SRPK2: variants seen among roughly 807,000 people sequenced by gnomAD.
The protein encoded by SRPK2 is SRSF protein kinase 2, also known as SFRS protein kinase 2.
In SRPK2, 21 loss-of-function variants were observed where a neutral mutation model predicts 90.8. The ratio of observed to expected loss-of-function variants is 0.23; its 90% CI spans 0.16 to 0.33. The LOEUF is 0.33. SRPK2 is among the 10% of genes least tolerant of loss of function. The pLI is 1.00. For synonymous variants in SRPK2, 288 were observed against 311.1 expected (o/e 0.93, Z 0.78); for missense variants, 620 against 869.0 (o/e 0.71, Z 3.60).
intron 2 of SRPK2, among the ~76,000 whole-genome samples, chr7:105,355,774 A>G (rs1215576599): frequency 2.0e-5 from 3 of 152,120 alleles, no homozygotes; most frequent in Non-Finnish European, 4.4e-5. Flanking sequence ...AGGGCCAAGC[A>G]CGGTGCCTCA....
At chr7:105,260,868 C>T (rs1804139764) in intron 2 of SRPK2, among the ~76,000 whole-genome samples, 1 of 148,572 alleles carries the variant, frequency 6.7e-6, no homozygotes, top group South Asian at 2.2e-4. Context: ...GAACATCACA[C>T]ACTGGAGCCT....
chr7:105,244,817 C>A, intron 2 of SRPK2: 2 of 969,990 alleles, frequency 2.1e-6, no homozygotes, highest in Non-Finnish European at 3.4e-6. Flanking sequence ...GTACAAGCAG[C>A]ACGCCAAGGA....
intron 2 of SRPK2, among the ~76,000 whole-genome samples, chr7:105,233,116 G>T (rs1799697058): frequency 6.9e-6 from 1 of 145,578 alleles, no homozygotes; most frequent in Non-Finnish European, 1.5e-5. Context: ...AGGAAGGAAG[G>T]AAGGAAGGAA....
chr7:105,270,233 G>A (rs1443150798), intron 2 of SRPK2, among the ~76,000 whole-genome samples: 4 of 152,200 alleles, frequency 2.6e-5, no homozygotes, highest in South Asian at 4.2e-4. Flanking sequence ...CCAAGCTGCC[G>A]AGCCACTGGG....
intron 2 of SRPK2, among the ~76,000 whole-genome samples, chr7:105,231,085 C>T (rs1452983696): frequency 6.6e-6 from 1 of 152,038 alleles, no homozygotes; most frequent in African/African-American, 2.4e-5. Flanking sequence ...CTATTTTCAC[C>T]CTCCCTCGCC....
At chr7:105,383,818 C>A (rs954004950) in intron 2 of SRPK2, among the ~76,000 whole-genome samples, 1 of 152,168 alleles carries the variant, frequency 6.6e-6, no homozygotes, top group Non-Finnish European at 1.5e-5. Context: ...TAATACGTGC[C>A]ATAACATGGA....
In SRPK2 at chr7:105,298,778, A is replaced by C. The variant is rs191227175; in HGVS notation, c.71+89870T>G. On this transcript the variant is annotated intron_variant, in intron 2 of 15. Transcript: ENST00000393651. ...CAGCAGAGGCACAGGGCCCACTCCAACAGAGCCCACCTCCCGCTGTAAGGA... is the reference window on the plus strand; with the variant it reads ...CAGCAGAGGCACAGGGCCCACTCCACCAGAGCCCACCTCCCGCTGTAAGGA... 1.4e-4 allele frequency: 136 copies of C among 985,500 alleles called. No homozygotes were observed. The East Asian group carries it at 0.011, about 82-fold the overall frequency. 61.0% of individuals were successfully genotyped at this position (985,500 alleles called of 1,614,324 possible).
At chr7:105,120,867 AGTGG>A (rs1168173260) in intron 15 of SRPK2, among the ~76,000 whole-genome samples, 1 of 152,178 alleles carries the variant, frequency 6.6e-6, no homozygotes, top group African/African-American at 2.4e-5. Flanking sequence ...ACACAACAAG[AGTGG>A]GCTCACTGAA....
chr7:105,344,289 T>C (rs1023083884), intron 2 of SRPK2, among the ~76,000 whole-genome samples: 2 of 119,282 alleles, frequency 1.7e-5, no homozygotes, highest in African/African-American at 2.7e-5. Flanking sequence ...TTTATGGACA[T>C]AGAATTTTTT....
intron 15 of SRPK2, among the ~76,000 whole-genome samples, chr7:105,124,088 C>T (rs1309352824): frequency 1.3e-5 from 2 of 152,208 alleles, no homozygotes; most frequent in Non-Finnish European, 2.9e-5. Context: ...GACAGGCCCA[C>T]GTGGAAGCTG....
chr7:105,376,949 A>G (rs2132566930), intron 2 of SRPK2, among the ~76,000 whole-genome samples: 1 of 151,796 alleles, frequency 6.6e-6, no homozygotes, highest in Admixed American at 6.6e-5. Flanking sequence ...AGAAAAACAA[A>G]CAAAACAAAA....
At chr7:105,115,525 T>C (rs1450767186), downstream of SRPK2, 1 of 152,200 alleles carries the variant, frequency 6.6e-6, no homozygotes, top group African/African-American at 2.4e-5. Context: ...AAAAGATAGA[T>C]AGGACATTCA....
intron 3 of SRPK2, among the ~76,000 whole-genome samples, chr7:105,198,328 G>C (rs929312724): frequency 2.8e-5 from 4 of 145,362 alleles, no homozygotes; most frequent in Non-Finnish European, 4.6e-5. Flanking sequence ...AAGGAGGTTT[G>C]GCTGTGACAC....
intron 6 of SRPK2, among the ~76,000 whole-genome samples, chr7:105,161,755 A>T (rs1341434538): frequency 6.6e-6 from 1 of 152,254 alleles, no homozygotes; most frequent in Non-Finnish European, 1.5e-5. Flanking sequence ...AAAATTTAGT[A>T]AACACAGTTA....
intron 2 of SRPK2, chr7:105,297,550 A>G: frequency 1.0e-6 from 1 of 955,526 alleles, no homozygotes; most frequent in Non-Finnish European, 1.2e-6. Flanking sequence ...AAGATAAGGC[A>G]CACCGTTTAC....
intron 3 of SRPK2, among the ~76,000 whole-genome samples, chr7:105,171,075 AAGGGGAGGGG>A (rs139856251): frequency 7.1e-6 from 1 of 141,360 alleles, no homozygotes; most frequent in African/African-American, 2.5e-5. Flanking sequence ...AAAAGAAAGA[AAGGGGAGGGG>A]AGGGGAGGGG....
rs1246978708 is a variant in SRPK2 at position 105,380,371 on chromosome 7, A to G, written c.71+8277T>C. Among the ~76,000 whole-genome samples the G allele has an allele frequency of 2.0e-5, 3 of 151,890 alleles. 1 individual carries two copies. The highest frequency in any genetic ancestry group is 2.0e-4 in the Admixed American group (3 of 15,222). ...GGTCTCAAACTCCTGACCTCTAGTG[A>G]TCCTCACTGATCTTTAAAAGATCAA... On this transcript the variant is annotated intron_variant, in intron 2 of 15. Coordinates refer to ENST00000393651, the MANE Select transcript of SRPK2 (RefSeq NM_182692.3).
intron 2 of SRPK2, among the ~76,000 whole-genome samples, chr7:105,274,736 T>C (rs963888304): frequency 1.3e-5 from 2 of 152,084 alleles, no homozygotes; most frequent in African/African-American, 4.8e-5. Flanking sequence ...TGCCCCTCCC[T>C]AGTTCCTATT....
At chr7:105,377,416 G>GCCA (rs771926051) in intron 2 of SRPK2, among the ~76,000 whole-genome samples, 3,372 of 152,228 alleles carry the variant, frequency 0.022, 61 homozygotes, top group Middle Eastern at 0.075. Flanking sequence ...GGCCAGGCTG[G>GCCA]GCGCGGTGGC....
Sources: allele counts gnomAD v4.1 joint callset (sites outside exome capture counted in the v4.1 genomes callset), GRCh38; gene constraint gnomAD v4.1.1; transcripts MANE v1.5; gene names NCBI Gene and HGNC (gene_info 2026-07-23, HGNC 2026-07-21).